The following USP34 variants were observed in gnomAD, a reference collection of about 807,000 sequenced individuals.
The protein encoded by USP34 is ubiquitin specific peptidase 34, also known as ubiquitin carboxyl-terminal hydrolase 34.
A neutral mutation model predicts 460.3 loss-of-function variants in USP34; 70 were observed. The observed-to-expected ratio is 0.15, with a 90% CI of 0.13 to 0.19. USP34 has a LOEUF of 0.19. USP34 is among the 10% of genes least tolerant of loss of function. USP34 has a pLI of 1.00. For missense variants in USP34, 3,985 were observed against 4,236.2 expected, an observed-to-expected ratio of 0.94 and a Z score of 1.65; for synonymous variants, 1,647 against 1,405.3, an observed-to-expected ratio of 1.17 and a Z score of -3.85.
intron 1 of USP34, among the ~76,000 whole-genome samples, chr2:61,467,842 C>A (rs146085786): frequency 6.6e-6 from 1 of 151,750 alleles, no homozygotes; most frequent in Non-Finnish European, 1.5e-5. Flanking sequence ...AGGCTGGTCT[C>A]GAGCTCCTGA....
chr2:61,256,987 A>C, intron 46 of USP34, 37 bp from the exon 47 acceptor site: 1 of 1,421,702 alleles, frequency 7.0e-7, no homozygotes, highest in Non-Finnish European at 9.3e-7. Flanking sequence ...AAAAACTAGT[A>C]AATTATAATA....
chr2:61,249,700 A>AGAGTCCCC (rs1451996616), intron 48 of USP34: 1 of 152,510 alleles, frequency 6.6e-6, no homozygotes. Flanking sequence ...GTCACAGAGC[A>AGAGTCCCC]GAGTCCCCAC....
At chr2:61,327,948 A>G (rs139167015) in intron 20 of USP34, among the ~76,000 whole-genome samples, 155 of 152,350 alleles carry the variant, frequency 1.0e-3, no homozygotes, top group African/African-American at 3.5e-3. Context: ...TGTAGCCTCC[A>G]CAGACAAGAT....
chr2:61,468,794 G>A (rs1458760310), intron 1 of USP34, among the ~76,000 whole-genome samples: 2 of 152,110 alleles, frequency 1.3e-5, no homozygotes, highest in East Asian at 1.9e-4. Context: ...CAAAGTTCTA[G>A]GGGTTTCCCA....
chr2:61,292,752 A>C (rs1689898975), intron 33 of USP34, among the ~76,000 whole-genome samples: 1 of 152,200 alleles, frequency 6.6e-6, no homozygotes, highest in Non-Finnish European at 1.5e-5. Context: ...AAGAAAATGG[A>C]ATGTCCTTTA....
intron 33 of USP34, among the ~76,000 whole-genome samples, chr2:61,289,278 G>A (rs571162945): frequency 1.3e-5 from 2 of 152,216 alleles, no homozygotes; most frequent in African/African-American, 4.8e-5. Context: ...TATATGCTGT[G>A]TCTCCCAACG....
intron 21 of USP34, among the ~76,000 whole-genome samples, chr2:61,324,075 A>C (rs1239013211): frequency 2.0e-5 from 3 of 152,234 alleles, no homozygotes; most frequent in South Asian, 2.1e-4. Flanking sequence ...GGCTGACAAT[A>C]TATTAACCAC....
At chr2:61,235,764 C>T in intron 57 of USP34, 81 bp downstream of exon 57, 1 of 1,410,996 alleles carries the variant, frequency 7.1e-7, no homozygotes, top group Non-Finnish European at 9.7e-7. Flanking sequence ...TAAAACAACT[C>T]TGCTGTAGCA....
intron 43 of USP34, among the ~76,000 whole-genome samples, chr2:61,261,781 G>A (rs866530864): frequency 6.6e-6 from 1 of 152,088 alleles, no homozygotes; most frequent in East Asian, 1.9e-4. Context: ...CACTTGACTA[G>A]AGTACTTGCC....
At chr2:61,406,198 A>G in intron 2 of USP34, 70 bp from the exon 3 acceptor site, 9 of 1,299,060 alleles carry the variant, frequency 6.9e-6, no homozygotes, top group Non-Finnish European at 9.2e-6. Context: ...ATATAAAAAA[A>G]CAAGTAAGCA....
intron 1 of USP34, among the ~76,000 whole-genome samples, chr2:61,449,959 G>C (rs935800325): frequency 1.3e-5 from 2 of 152,112 alleles, no homozygotes; most frequent in South Asian, 2.1e-4. Flanking sequence ...CCAGCTACTC[G>C]GGAGGCTGAG....
intron 67 of USP34, 23 bp downstream of exon 67, chr2:61,220,287 G>A: frequency 1.3e-6 from 2 of 1,578,392 alleles, no homozygotes; most frequent in South Asian, 1.2e-5. Context: ...AATGGTTTAT[G>A]AAATTCTAAA....
chr2:61,391,571 T>C (rs1246048292), intron 5 of USP34, among the ~76,000 whole-genome samples: 3 of 152,198 alleles, frequency 2.0e-5, no homozygotes, highest in Non-Finnish European at 1.5e-5. Context: ...TTAAATATAG[T>C]TCTACTCATT....
In USP34 at chr2:61,232,158, C is replaced by G. The variant is rs1269260297; in HGVS notation, c.7113+294G>C. On this transcript the variant is annotated intron_variant, in intron 58 of 79. Transcript: ENST00000398571. ...AAGGATTTTAAAAGAATCAGTATAACTCATAAAGCATCTAATAATAAAGAG... is the reference window on the plus strand; with the variant it reads ...AAGGATTTTAAAAGAATCAGTATAAGTCATAAAGCATCTAATAATAAAGAG... Among the ~76,000 whole-genome samples the G allele has an allele frequency of 4.6e-5, 7 of 152,122 alleles. No homozygotes were observed. The East Asian group carries it at 7.7e-4, about 17-fold the overall frequency.
chr2:61,378,778 C>T (rs1037818782), intron 7 of USP34, among the ~76,000 whole-genome samples: 19 of 151,774 alleles, frequency 1.3e-4, no homozygotes, highest in Middle Eastern at 3.4e-3. Context: ...TGGTGGCATG[C>T]GCCTAAAACG....
rs1347936952 is a variant in USP34 at position 61,237,943 on chromosome 2, C to A, written c.6778-1554G>T. Among the ~76,000 whole-genome samples the A allele has an allele frequency of 2.6e-5, 4 of 151,742 alleles. No homozygotes were observed. The South Asian group carries it at 6.3e-4, about 24-fold the overall frequency. ...ACAAGTTTCGTTCTTGTTGCCCAGG[C>A]TGGAGTGCAATGGCGCGATCTCGGC... On this transcript the variant is annotated intron_variant, in intron 53 of 79. Transcript: ENST00000398571.
At chr2:61,313,986 A>T (rs1558525218) in intron 25 of USP34, among the ~76,000 whole-genome samples, 1 of 152,074 alleles carries the variant, frequency 6.6e-6, no homozygotes, top group East Asian at 1.9e-4. Context: ...GAATTTCTTA[A>T]AACTATCTAC....
At chr2:61,395,322 A>C in intron 3 of USP34, 89 bp from the exon 4 acceptor site, 1 of 828,234 alleles carries the variant, frequency 1.2e-6, no homozygotes, top group Non-Finnish European at 1.9e-6. Flanking sequence ...TTTTATAAAA[A>C]CCGAATAAAC....
chr2:61,455,465 GTTT>G (rs1695410205), intron 1 of USP34, among the ~76,000 whole-genome samples: 2 of 151,944 alleles, frequency 1.3e-5, no homozygotes. Context: ...GGGTTTTTTT[GTTT>G]TTGTTTTTCA....
Sources: gnomAD v4.1 joint callset for allele counts (sites outside exome capture counted in the v4.1 genomes callset) on GRCh38, gnomAD v4.1.1 for gene constraint, MANE v1.5 for transcripts, NCBI Gene and HGNC (gene_info 2026-07-23, HGNC 2026-07-21) for gene names.